DYRK4: variants seen among roughly 807,000 people sequenced by gnomAD.
The protein encoded by DYRK4 is dual specificity tyrosine-phosphorylation-regulated kinase 4.
Under a neutral mutation model 68.3 loss-of-function variants are expected in DYRK4, and 64 were observed. That is an observed-to-expected ratio of 0.94 (90% CI 0.77 to 1.15). The LOEUF is 1.15. Ranked by LOEUF, DYRK4 falls within the 50% of genes most tolerant of loss-of-function variation. DYRK4 has a pLI of 0.00. For missense variants in DYRK4, 740 were observed against 764.7 expected (o/e 0.97, Z 0.38); for synonymous variants, 274 against 289.9 (o/e 0.95, Z 0.56).
At chr12:4,605,155 C>T in intron 11 of DYRK4, 69 bp downstream of exon 11, 1 of 1,406,360 alleles carries the variant, frequency 7.1e-7, no homozygotes, top group South Asian at 1.3e-5. Context: ...GGGGCTGCAC[C>T]AGACTCGCCC....
chr12:4,612,159 C>T (rs1284518338), intron 13 of DYRK4, among the ~76,000 whole-genome samples: 1 of 152,170 alleles, frequency 6.6e-6, no homozygotes, highest in Non-Finnish European at 1.5e-5. Context: ...TTCTGTAAAT[C>T]TCCTTGCAAT....
intron 3 of DYRK4, 85 bp from the exon 4 acceptor site, chr12:4,590,245 T>G (rs1944938463): frequency 1.4e-6 from 2 of 1,456,030 alleles, no homozygotes; most frequent in Non-Finnish European, 1.8e-6. Context: ...GTTGGGGAAT[T>G]GGGAAGGGAG....
At position 4,562,259 on chromosome 12, in the gene DYRK4, C is replaced by T. The variant is rs1293545053; in HGVS notation, c.14C>T (p.Pro5Leu). Residue 5 changes from proline to leucine, a missense_variant, in exon 1 of 15, where the codon CCG (proline) becomes CTG (leucine). This residue lies in a region of DYRK4 where 70 missense variants were observed against 71.1 expected (regional missense o/e 0.98). Coordinates refer to ENST00000543431, the MANE Select transcript of DYRK4 (RefSeq NM_001394779.1). ...AGCGCCGGCCTCATGCAGCTCCTCC[C>T]GCCGCCTATCCGCACCGGAACAAAG... MQLL[P>L]PPIRTGTKTQ... 4.6e-6 allele frequency: 7 copies of T among 1,532,888 alleles called. No individual in the cohort carries two copies. The Admixed American group carries it at 5.9e-5, about 13-fold the overall frequency. The allele number at this position is 1,532,888 out of a possible 1,614,324, so 95.0% of individuals were successfully genotyped here.
chr12:4,602,579 G>T, intron 10 of DYRK4: 3 of 1,293,404 alleles, frequency 2.3e-6, no homozygotes, highest in South Asian at 2.4e-5. Context: ...GTTGATGAGT[G>T]AGTGACAACA....
chr12:4,590,259 G>C (rs1944938666), intron 3 of DYRK4, 71 bp from the exon 4 acceptor site: 1 of 1,467,464 alleles, frequency 6.8e-7, no homozygotes, highest in African/African-American at 1.4e-5. Context: ...AAGGGAGGCT[G>C]GAAGAAATGA....
chr12:4,610,331 T>C (rs919752509), intron 13 of DYRK4, 47 bp downstream of exon 13: 5 of 1,477,446 alleles, frequency 3.4e-6, no homozygotes, highest in South Asian at 3.0e-5. Context: ...TCTTAAATGC[T>C]GTACTTTGAC....
intron 3 of DYRK4, among the ~76,000 whole-genome samples, chr12:4,589,520 T>C (rs559834161): frequency 1.3e-5 from 2 of 152,310 alleles, no homozygotes; most frequent in East Asian, 3.9e-4. Context: ...TTAATCTCTG[T>C]CTCCCTTAAT....
intron 4 of DYRK4, 52 bp downstream of exon 4, chr12:4,590,492 A>C: frequency 6.5e-7 from 1 of 1,527,696 alleles, no homozygotes; most frequent in Non-Finnish European, 8.7e-7. Flanking sequence ...ACCTGGTTTT[A>C]GTCCAAAGCC....
At chr12:4,589,077 GGGTAGC>G in intron 3 of DYRK4, 60 bp downstream of exon 3, 1 of 1,493,974 alleles carries the variant, frequency 6.7e-7, no homozygotes, top group Non-Finnish European at 9.0e-7. Context: ...TGGGTGGCCA[GGGTAGC>G]TTTGAACAGA....
At chr12:4,612,875 A>G in intron 14 of DYRK4, 157 bp downstream of exon 14, 1 of 748,228 alleles carries the variant, frequency 1.3e-6, no homozygotes, top group Non-Finnish European at 2.1e-6. Flanking sequence ...CTGTTTAAGC[A>G]TTTCTGAAGG....
At chr12:4,593,259 G>A in intron 6 of DYRK4, 94 bp downstream of exon 6, 1 of 1,417,676 alleles carries the variant, frequency 7.1e-7, no homozygotes, top group Non-Finnish European at 9.5e-7. Context: ...TAGTATTTGG[G>A]GCTGATACGT....
intron 2 of DYRK4, 83 bp downstream of exon 2, chr12:4,568,131 GC>G (rs1436081223): frequency 1.6e-6 from 2 of 1,288,978 alleles, no homozygotes; most frequent in Non-Finnish European, 2.2e-6. Flanking sequence ...TGATGGTTGT[GC>G]CCCAAGCACC....
chr12:4,573,291 G>T, intron 2 of DYRK4: 4 of 1,288,904 alleles, frequency 3.1e-6, no homozygotes, highest in Non-Finnish European at 4.0e-6. Context: ...TTGGGGTCCT[G>T]AAGGAGAGTT....
chr12:4,599,089 C>T lies in DYRK4; in HGVS notation c.967C>T (p.Arg323Trp), dbSNP rs750043434. ...TCAAGGCTTCAGTCTGTCCATAGTT[C>T]GGCGCTTCACTCTCTCTGTTTTGAA... ...NFQGFSLSIV[R>W]RFTLSVLKCL... The change falls in exon 9 of 15, where the codon CGG becomes TGG. Residue 323 changes from arginine (R) to tryptophan (W), a missense_variant. Arg to Trp is a moderately radical substitution (Grantham distance 101). Around this residue, in one of 3 missense-constraint regions of DYRK4, gnomAD observed 614 missense variants for 603.7 expected, o/e 1.02. Transcript: ENST00000543431. 18 of 1,613,840 alleles carry T rather than the reference C, an allele frequency of 1.1e-5. No homozygotes were observed. Among genetic ancestry groups the T allele is most frequent in the South Asian group, 2.2e-5 (2 of 91,060 alleles).
At chr12:4,588,883 G>A (rs1944924432) in intron 2 of DYRK4, 54 bp from the exon 3 acceptor site, 1 of 1,492,062 alleles carries the variant, frequency 6.7e-7, no homozygotes, top group South Asian at 1.2e-5. Context: ...AAAATATACA[G>A]TGTGGGATAA....
chr12:4,608,017 C>G (rs1371792828), intron 12 of DYRK4, among the ~76,000 whole-genome samples: 2 of 152,154 alleles, frequency 1.3e-5, no homozygotes, highest in African/African-American at 4.8e-5. Flanking sequence ...TTTTATGATC[C>G]TCCGCCTTTC....
At chr12:4,589,566 G>A (rs1178246959) in intron 3 of DYRK4, among the ~76,000 whole-genome samples, 1 of 152,268 alleles carries the variant, frequency 6.6e-6, no homozygotes, top group Non-Finnish European at 1.5e-5. Flanking sequence ...ATAAATAAGT[G>A]AGAACATGTG....
At position 4,562,237 on chromosome 12, in the gene DYRK4, G is replaced by C; in HGVS notation, c.-9G>C. 1 of 1,528,932 alleles carries C rather than the reference G, an allele frequency of 6.5e-7. No homozygotes were observed. The highest frequency in any genetic ancestry group is 1.7e-4 in the Middle Eastern group (1 of 5,944). 94.7% of individuals were successfully genotyped at this position (1,528,932 alleles called of 1,614,324 possible). ...CCTCCCGCAGCGGCGGGCGGTCAGC[G>C]CCGGCCTCATGCAGCTCCTCCCGCC... On this transcript the variant is annotated 5_prime_UTR_variant, in exon 1 of 15. Coordinates refer to ENST00000543431, the MANE Select transcript of DYRK4 (RefSeq NM_001394779.1).
At chr12:4,584,072 G>T (rs1362101070) in intron 2 of DYRK4, among the ~76,000 whole-genome samples, 1 of 152,154 alleles carries the variant, frequency 6.6e-6, no homozygotes, top group Non-Finnish European at 1.5e-5. Flanking sequence ...AAGTTAGAAA[G>T]GATACATAAA....
Sources: allele counts gnomAD v4.1 joint callset (sites outside exome capture counted in the v4.1 genomes callset), GRCh38; gene constraint gnomAD v4.1.1; regional missense constraint gnomAD v4.1.1; transcripts MANE v1.5; gene names NCBI Gene and HGNC (gene_info 2026-07-23, HGNC 2026-07-21).